CEP112: variants seen among roughly 807,000 people sequenced by gnomAD.
CEP112 encodes the protein centrosomal protein of 112 kDa.
Under a neutral mutation model 153.0 loss-of-function variants are expected in CEP112, and 127 were observed. The observed-to-expected ratio is 0.83, with a 90% CI of 0.72 to 0.96. The LOEUF is 0.96. Among genes scored for constraint, CEP112 ranks in the 40% least tolerant of loss-of-function variants. The pLI, the probability that CEP112 is intolerant of heterozygous loss-of-function variation, is 0.00. For synonymous variants in CEP112, 358 were observed against 374.4 expected (o/e 0.96, Z 0.51); for missense variants, 1,089 against 1,101.2 (o/e 0.99, Z 0.16).
At chr17:65,638,890 C>T (rs182142125) in intron 25 of CEP112, among the ~76,000 whole-genome samples, 4 of 149,376 alleles carry the variant, frequency 2.7e-5, no homozygotes, top group Admixed American at 2.0e-4. Context: ...AGGTGGGTAT[C>T]AGATTCCTTT....
chr17:66,130,035 G>A (rs1465729831), intron 5 of CEP112, among the ~76,000 whole-genome samples: 4 of 151,954 alleles, frequency 2.6e-5, no homozygotes, highest in African/African-American at 7.2e-5. Flanking sequence ...GAAGTGGGAC[G>A]GGAGGGAGAA....
At chr17:65,655,494 T>C (rs115387969) in intron 24 of CEP112, 1 of 690,834 alleles carries the variant, frequency 1.4e-6, no homozygotes. Flanking sequence ...CACAGAATAA[T>C]ACATGTTGAC....
intron 17 of CEP112, among the ~76,000 whole-genome samples, chr17:65,967,410 G>T (rs2062453526): frequency 6.6e-6 from 1 of 152,074 alleles, no homozygotes; most frequent in Admixed American, 6.6e-5. Flanking sequence ...TTTTGTTCTG[G>T]GAGCAGAAAC....
chr17:65,912,310 G>C (rs1257754508), intron 19 of CEP112, among the ~76,000 whole-genome samples: 2 of 152,010 alleles, frequency 1.3e-5, no homozygotes, highest in Non-Finnish European at 2.9e-5. Context: ...ATCTATCCAA[G>C]TGCCCCATGT....
At chr17:65,932,626 C>A (rs990956398) in intron 18 of CEP112, among the ~76,000 whole-genome samples, 4 of 152,190 alleles carry the variant, frequency 2.6e-5, no homozygotes, top group African/African-American at 9.7e-5. Flanking sequence ...CCTCAGGAAA[C>A]TTACAATCAT....
chr17:66,053,752 G>A lies in CEP112; in HGVS notation c.1202C>T (p.Ala401Val), dbSNP rs147020220. The A allele has an allele frequency of 5.7e-5, 92 of 1,612,476 alleles. No individual in the cohort carries two copies. The highest frequency in any genetic ancestry group is 2.0e-4 in the East Asian group (9 of 44,832). ...AAGACTCACTGTGGACTGTGTTTGCGCCATGTATTCACTCTCCATTTTATT... is the reference window on the plus strand; with the variant it reads ...AAGACTCACTGTGGACTGTGTTTGCACCATGTATTCACTCTCCATTTTATT... Reference protein sequence around the residue: ...RLNKMESEYMAQTQSTNHMIK... With the variant: ...RLNKMESEYMVQTQSTNHMIK... The change falls in exon 12 of 27, where the codon GCG becomes GTG. Residue 401 changes from alanine to valine, a missense_variant. Transcript: ENST00000535342.
At chr17:65,823,079 C>A (rs1015060185) in intron 21 of CEP112, among the ~76,000 whole-genome samples, 2 of 152,064 alleles carry the variant, frequency 1.3e-5, no homozygotes, top group African/African-American at 2.4e-5. Context: ...ATGGTAAGAT[C>A]TTCCATGGTC....
At chr17:66,102,304 A>C (rs1240124512) in intron 6 of CEP112, among the ~76,000 whole-genome samples, 1 of 152,216 alleles carries the variant, frequency 6.6e-6, no homozygotes, top group East Asian at 1.9e-4. Flanking sequence ...AACTCTACAT[A>C]AAGTAATAAA....
intron 24 of CEP112, chr17:65,655,296 G>A (rs1192889140): frequency 9.0e-6 from 13 of 1,444,590 alleles, no homozygotes; most frequent in African/African-American, 1.4e-5. Context: ...CTGAGCGACC[G>A]CAGCCTCAGA....
At chr17:66,140,699 A>C (rs1308758595) in intron 4 of CEP112, among the ~76,000 whole-genome samples, 1 of 152,100 alleles carries the variant, frequency 6.6e-6, no homozygotes, top group Non-Finnish European at 1.5e-5. Flanking sequence ...CTGGGGTGCA[A>C]TGGTGCAATC....
chr17:66,069,496 A>G (rs983449184), intron 9 of CEP112, among the ~76,000 whole-genome samples: 1 of 152,138 alleles, frequency 6.6e-6, no homozygotes, highest in East Asian at 1.9e-4. Flanking sequence ...ATACAAGTCC[A>G]AGAGCTCCTT....
At chr17:66,190,601 C>T (rs1310389501) in intron 1 of CEP112, among the ~76,000 whole-genome samples, 1 of 152,144 alleles carries the variant, frequency 6.6e-6, no homozygotes, top group Non-Finnish European at 1.5e-5. Flanking sequence ...GGCCACAGAG[C>T]AAGACTGTCT....
intron 19 of CEP112, among the ~76,000 whole-genome samples, chr17:65,925,570 C>G (rs774425645): frequency 1.3e-5 from 2 of 152,158 alleles, no homozygotes. Flanking sequence ...AAGAATGTGC[C>G]TTTAAAATCC....
At chr17:65,734,242 G>C (rs904833450) in intron 23 of CEP112, among the ~76,000 whole-genome samples, 1 of 152,208 alleles carries the variant, frequency 6.6e-6, no homozygotes, top group African/African-American at 2.4e-5. Flanking sequence ...CAAAGGGAAA[G>C]GATACTTTAC....
rs1599040609 is a variant in CEP112 at position 65,927,698 on chromosome 17, T to C, written c.1873-9A>G. 2.7e-6 allele frequency: 4 copies of C among 1,495,010 alleles called. No individual in the cohort carries two copies. The highest frequency in any genetic ancestry group is 2.7e-6 in the Non-Finnish European group (3 of 1,112,302). 92.6% of individuals were successfully genotyped at this position (1,495,010 alleles called of 1,614,324 possible). On this transcript the variant is annotated splice_polypyrimidine_tract_variant and intron_variant, in intron 18 of 26. Coordinates refer to ENST00000535342, the MANE Select transcript of CEP112 (RefSeq NM_001199165.4). Reference sequence around the variant, plus strand: ...GCCTCCACTTTTTCCATCTATAAAATTTAAAAATCAAATATTAATTTTTTA... The same window carrying C: ...GCCTCCACTTTTTCCATCTATAAAACTTAAAAATCAAATATTAATTTTTTA...
chr17:66,063,915 C>A (rs1375538076), intron 10 of CEP112, among the ~76,000 whole-genome samples: 1 of 152,114 alleles, frequency 6.6e-6, no homozygotes, highest in Non-Finnish European at 1.5e-5. Flanking sequence ...CATCTATCTA[C>A]ATAGAATGCC....
At chr17:65,859,451 A>AAAAAG (rs1408279064) in intron 20 of CEP112, among the ~76,000 whole-genome samples, 3 of 151,098 alleles carry the variant, frequency 2.0e-5, no homozygotes, top group African/African-American at 7.3e-5. Flanking sequence ...AAAAAAAAAA[A>AAAAAG]AAAAGAAAAG....
intron 4 of CEP112, among the ~76,000 whole-genome samples, chr17:66,158,454 T>G (rs2071541266): frequency 6.6e-6 from 1 of 151,560 alleles, no homozygotes; most frequent in East Asian, 1.9e-4. Context: ...CTACTAAAAA[T>G]ACAAAAAATG....
intron 17 of CEP112, among the ~76,000 whole-genome samples, chr17:65,996,281 C>A (rs979222479): frequency 2.7e-5 from 4 of 149,750 alleles, no homozygotes; most frequent in African/African-American, 9.9e-5. Flanking sequence ...GCCCAAAAAC[C>A]CCCCCATTAT....
Sources: allele counts gnomAD v4.1 joint callset (sites outside exome capture counted in the v4.1 genomes callset), GRCh38; gene constraint gnomAD v4.1.1; transcripts MANE v1.5; gene names NCBI Gene and HGNC (gene_info 2026-07-23, HGNC 2026-07-21).